The following CYS1 variants were observed in gnomAD, a reference collection of about 807,000 sequenced individuals.
The protein encoded by CYS1 is cystin 1, also known as cystin-1.
A neutral mutation model predicts 9.6 loss-of-function variants in CYS1; 5 were observed. That is an observed-to-expected ratio of 0.52 (90% confidence interval 0.27 to 1.10). CYS1 has a LOEUF of 1.10. Ranked by LOEUF, CYS1 falls within the 50% of genes least tolerant of loss-of-function variation. CYS1 has a pLI of 0.11. For synonymous variants in CYS1, 88 were observed against 95.7 expected, an observed-to-expected ratio of 0.92 and a Z score of 0.47; for missense variants, 221 against 207.9, an observed-to-expected ratio of 1.06 and a Z score of -0.39.
At chr2:10,075,482 G>T (rs773382599) in intron 1 of CYS1, among the ~76,000 whole-genome samples, 1 of 152,174 alleles carries the variant, frequency 6.6e-6, no homozygotes, top group Admixed American at 6.5e-5. Context: ...AGACTTGAAC[G>T]CAGGCAGATA....
chr2:10,076,513 G>A lies in CYS1; in HGVS notation c.318+3393C>T, dbSNP rs57031421. On this transcript the variant is annotated intron_variant, in intron 1 of 2. Coordinates refer to ENST00000381813, the MANE Select transcript of CYS1 (RefSeq NM_001037160.3). The surrounding 1 kb of genome is among the most constrained non-coding windows in gnomAD (Gnocchi z 4.3). Reference sequence around the variant, plus strand: ...CTCACCAAGGACCTTGAGACCTCCCGAGTGGCTCAATTCAACCACCAGCTC... The same window carrying A: ...CTCACCAAGGACCTTGAGACCTCCCAAGTGGCTCAATTCAACCACCAGCTC... 0.1 allele frequency among the ~76,000 whole-genome samples: 15,551 copies of A among 152,094 alleles called. 866 individuals carry two copies. The highest frequency in any genetic ancestry group is 0.14 in the African/African-American group (5,617 of 41,460).
Position 10,080,146 on chromosome 2 carries a change from T to C in CYS1, c.78A>G (p.Gly26=). 1 of 1,044,954 alleles carries C rather than the reference T, an allele frequency of 9.6e-7. No individual in the cohort carries two copies. Among genetic ancestry groups the C allele is most frequent in the South Asian group, 4.0e-5 (1 of 25,256 alleles). The allele number at this position is 1,044,954 out of a possible 1,614,324, so 64.7% of individuals were successfully genotyped here. A position where few individuals can be genotyped will look rare whatever the true frequency, so the allele number is the denominator to read the frequency against. The change falls in exon 1 of 3, where the codon GGA becomes GGG. Residue 26 remains glycine (G), a synonymous_variant. Transcript: ENST00000381813. This position sits in a 1 kb window ranked among gnomAD's most constrained non-coding sequence, Gnocchi z 6.4. ...RSPESLPAGP[G]AAALEGGTRR... is the part of the protein sequence containing the mutation. ...GGGTCCCGCCCTCCAGGGCTGCCGCTCCGGGCCCCGCGGGGAGGCTCTCGG... is the reference window on the plus strand; with the variant it reads ...GGGTCCCGCCCTCCAGGGCTGCCGCCCCGGGCCCCGCGGGGAGGCTCTCGG...
At position 10,064,878 on chromosome 2, in the gene CYS1, C is replaced by T. The variant is rs140410544; in HGVS notation, c.371+1026G>A. Reference sequence around the variant, plus strand: ...GATTACAGGTGCGCACCACTGTGCCCGGCTAATTTTTGTTTTTGTTTTTTT... The same window carrying T: ...GATTACAGGTGCGCACCACTGTGCCTGGCTAATTTTTGTTTTTGTTTTTTT... On this transcript the variant is annotated intron_variant, in intron 2 of 2. Transcript: ENST00000381813. Among the ~76,000 whole-genome samples the T allele has an allele frequency of 3.4e-3, 509 of 150,824 alleles. 3 individuals are homozygous for T. The highest frequency in any genetic ancestry group is 0.012 in the African/African-American group (484 of 41,028).
intron 1 of CYS1, among the ~76,000 whole-genome samples, chr2:10,068,471 G>A (rs893240866): frequency 6.6e-6 from 1 of 152,188 alleles, no homozygotes; most frequent in African/African-American, 2.4e-5. Flanking sequence ...GCTTTTGTCA[G>A]GCACATAGCA....
At chr2:10,070,209 C>T (rs1322448123) in intron 1 of CYS1, among the ~76,000 whole-genome samples, 1 of 152,198 alleles carries the variant, frequency 6.6e-6, no homozygotes, top group Non-Finnish European at 1.5e-5. Context: ...ACCTTCCGGG[C>T]CTTGGTGTAC....
At chr2:10,072,372 C>T (rs1387568406) in intron 1 of CYS1, among the ~76,000 whole-genome samples, 2 of 152,312 alleles carry the variant, frequency 1.3e-5, no homozygotes, top group East Asian at 1.9e-4. Flanking sequence ...CGTGAGCCAC[C>T]GTGCCCGTGC....
chr2:10,070,786 G>A (rs1482641500), intron 1 of CYS1, among the ~76,000 whole-genome samples: 1 of 151,900 alleles, frequency 6.6e-6, no homozygotes, highest in Non-Finnish European at 1.5e-5. Flanking sequence ...TGAAACTACA[G>A]GCACATGCCA....
chr2:10,080,157 CG>C lies in CYS1; in HGVS notation c.66del (p.Ala23ArgfsTer126). On this transcript the variant is annotated frameshift_variant, in exon 1 of 3. Coordinates refer to ENST00000381813, the MANE Select transcript of CYS1 (RefSeq NM_001037160.3). LOFTEE classifies it high-confidence loss of function. The surrounding 1 kb of genome is among the most constrained non-coding windows in gnomAD (Gnocchi z 6.4). ...LRRRRSPESL[P>X]AGPGAAALEG... ...TCCAGGGCTGCCGCTCCGGGCCCCG[CG>C]GGGAGGCTCTCGGGGCTGCGCCGCC... is the stretch of plus-strand genomic sequence containing the variant. 2 of 1,054,298 alleles carry C rather than the reference CG, an allele frequency of 1.9e-6. No homozygotes were observed. Among genetic ancestry groups the C allele is most frequent in the Admixed American group, 5.3e-5 (1 of 18,826 alleles). The allele number at this position is 1,054,298 out of a possible 1,614,324, so 65.3% of individuals were successfully genotyped here.
chr2:10,071,634 T>A (rs1661769812), intron 1 of CYS1, among the ~76,000 whole-genome samples: 1 of 152,198 alleles, frequency 6.6e-6, no homozygotes, highest in Admixed American at 6.5e-5. Flanking sequence ...AGCCTTGAAC[T>A]TACTTTCTCA....
intron 1 of CYS1, 106 bp from the exon 2 acceptor site, chr2:10,066,062 G>C: frequency 7.8e-7 from 1 of 1,285,168 alleles, no homozygotes; most frequent in Non-Finnish European, 1.1e-6. Flanking sequence ...TTCAACCCAG[G>C]ATCCATAAGC....
At chr2:10,061,613 C>G (rs1293692234) in intron 2 of CYS1, among the ~76,000 whole-genome samples, 1 of 152,222 alleles carries the variant, frequency 6.6e-6, no homozygotes, top group African/African-American at 2.4e-5. Context: ...CACTCAGCAC[C>G]CGACATGCCC....
intron 1 of CYS1, among the ~76,000 whole-genome samples, chr2:10,078,794 G>A (rs539725616): frequency 3.9e-5 from 6 of 152,292 alleles, no homozygotes; most frequent in Admixed American, 2.6e-4. Context: ...GGTGCTCAAA[G>A]GATAGCTGGA....
intron 2 of CYS1, among the ~76,000 whole-genome samples, chr2:10,061,827 G>C (rs1256771928): frequency 6.6e-6 from 1 of 152,204 alleles, no homozygotes; most frequent in Non-Finnish European, 1.5e-5. Flanking sequence ...GGCTTAGAGA[G>C]CCAGGTGGGG....
chr2:10,079,872 C>G, intron 1 of CYS1, 34 bp downstream of exon 1: 1 of 1,089,384 alleles, frequency 9.2e-7, no homozygotes. Flanking sequence ...GGGGTCCCCG[C>G]CGTCCCCCGA....
At chr2:10,075,254 G>T (rs1176861391) in intron 1 of CYS1, among the ~76,000 whole-genome samples, 1 of 152,228 alleles carries the variant, frequency 6.6e-6, no homozygotes, top group African/African-American at 2.4e-5. Flanking sequence ...TCCACTGGAA[G>T]ACTTCTGCCT....
chr2:10,072,608 T>G (rs1042122008), intron 1 of CYS1, among the ~76,000 whole-genome samples: 1 of 152,250 alleles, frequency 6.6e-6, no homozygotes, highest in Non-Finnish European at 1.5e-5. Flanking sequence ...AGAATTATCC[T>G]TCTTTGAAGC....
At chr2:10,060,919 T>A (rs926846292) in intron 2 of CYS1, among the ~76,000 whole-genome samples, 1 of 152,228 alleles carries the variant, frequency 6.6e-6, no homozygotes, top group African/African-American at 2.4e-5. Context: ...GTCGCTGCGA[T>A]GCTGTTAGTT....
chr2:10,077,756 G>A (rs1387864071), intron 1 of CYS1, among the ~76,000 whole-genome samples: 4 of 152,136 alleles, frequency 2.6e-5, no homozygotes, highest in South Asian at 2.1e-4. Context: ...GCTCCCTTCC[G>A]CCTCGAATAA....
At chr2:10,068,146 G>T (rs569099755) in intron 1 of CYS1, among the ~76,000 whole-genome samples, 1 of 152,112 alleles carries the variant, frequency 6.6e-6, no homozygotes, top group African/African-American at 2.4e-5. Context: ...CTTTCATTTT[G>T]CTTATTATAT....
Sources: allele counts gnomAD v4.1 joint callset (sites outside exome capture counted in the v4.1 genomes callset), GRCh38; gene constraint gnomAD v4.1.1; non-coding constraint Gnocchi (gnomAD v3.1); transcripts MANE v1.5; gene names NCBI Gene and HGNC (gene_info 2026-07-23, HGNC 2026-07-21).